Variants in CDH26 observed in about 807,000 individuals in gnomAD.
The protein encoded by CDH26 is cadherin 26, also known as cadherin-like protein 26.
In CDH26, 83 loss-of-function variants were observed where a neutral mutation model predicts 90.3. That is an observed-to-expected ratio of 0.92 (90% confidence interval 0.77 to 1.10). The LOEUF (loss-of-function observed/expected upper bound fraction) is 1.10, where lower values mean the gene tolerates loss of function less well. CDH26 is among the 50% of genes least tolerant of loss of function. CDH26 has a pLI of 0.00. For missense variants in CDH26, 1,013 were observed against 1,037.6 expected (o/e 0.98, Z 0.33); for synonymous variants, 397 against 396.3 (o/e 1.00, Z -0.02).
chr20:59,959,612 C>T (rs1057274947), intron 1 of CDH26, among the ~76,000 whole-genome samples: 15 of 152,102 alleles, frequency 9.9e-5, no homozygotes, highest in African/African-American at 3.6e-4. Context: ...GTTGGCCAGG[C>T]TGGTCTCAAA....
At position 60,012,956 on chromosome 20, in the gene CDH26, A is replaced by C; in HGVS notation, c.*226A>C. On this transcript the variant is annotated 3_prime_UTR_variant, in exon 18 of 18. Coordinates refer to ENST00000348616, the MANE Select transcript of CDH26 (RefSeq NM_177980.4). ...ACACTTTCTTAAAATTTGATTTGTC[A>C]TATTTTCTAGAGAAACTTGAATTTA... 2 of 462,558 alleles carry C rather than the reference A, an allele frequency of 4.3e-6. No homozygotes were observed. Among genetic ancestry groups the C allele is most frequent in the South Asian group, 3.0e-5 (1 of 33,154 alleles). 28.7% of individuals were successfully genotyped at this position (462,558 alleles called of 1,614,324 possible).
chr20:59,995,973 T>C lies in CDH26; in HGVS notation c.1807T>C (p.Cys603Arg). 6.2e-7 allele frequency: 1 copy of C among 1,614,102 alleles called. No individual in the cohort carries two copies. Among genetic ancestry groups the C allele is most frequent in the Non-Finnish European group, 8.5e-7 (1 of 1,179,994 alleles). ...RICPCASGLT[C>R]VELADAEVGL... ...CTGCCCCTGTGCCAGTGGGCTCACA[T>C]GTGTGGAGCTTGCAGATGCAGAAGT... Residue 603 changes from cysteine (C) to arginine (R), a missense_variant, in exon 12 of 18, where the codon TGT (cysteine) becomes CGT (arginine). Physicochemically the swap from Cys to Arg is radical, Grantham distance 180. Transcript: ENST00000348616.
intron 4 of CDH26, among the ~76,000 whole-genome samples, chr20:59,979,499 G>A (rs906078594): frequency 2.0e-5 from 3 of 147,660 alleles, no homozygotes; most frequent in Non-Finnish European, 4.5e-5. Context: ...GCCCAGCCGA[G>A]TTTGTTCTGT....
chr20:59,969,228 C>T (rs563041328), intron 2 of CDH26, among the ~76,000 whole-genome samples: 4 of 152,174 alleles, frequency 2.6e-5, no homozygotes, highest in Non-Finnish European at 5.9e-5. Flanking sequence ...AGAATGTGAG[C>T]AGCCTGTGAA....
chr20:60,033,867 TG>T, exon 9 of CDH26: 1 of 763,390 alleles, frequency 1.3e-6, no homozygotes, highest in Non-Finnish European at 1.7e-6. Flanking sequence ...CTGCAAACTG[TG>T]GATGGCAGTT....
At chr20:60,018,225 A>G (rs2061921727), downstream of CDH26, among the ~76,000 whole-genome samples, 3 of 151,962 alleles carry the variant, frequency 2.0e-5, no homozygotes, top group Admixed American at 1.3e-4. Flanking sequence ...CTATTATTGT[A>G]TTGGGGCTTA....
chr20:59,993,738 GT>G (rs1160287565), intron 10 of CDH26, among the ~76,000 whole-genome samples: 2 of 152,198 alleles, frequency 1.3e-5, no homozygotes, highest in Admixed American at 6.5e-5. Flanking sequence ...ATTAGAAAAA[GT>G]CGTTTTAGAT....
intron 3 of CDH26, among the ~76,000 whole-genome samples, chr20:59,971,591 T>G (rs567764762): frequency 3.3e-5 from 5 of 152,224 alleles, no homozygotes; most frequent in Non-Finnish European, 7.3e-5. Context: ...AGATCACACT[T>G]GGTGTGTTGT....
At chr20:60,032,691 C>T (rs7363697) in intron 8 of CDH26, among the ~76,000 whole-genome samples, 10 of 152,032 alleles carry the variant, frequency 6.6e-5, no homozygotes, top group Non-Finnish European at 1.2e-4. Context: ...AGTTCATGTC[C>T]TTTGTAGGGA....
Position 59,958,946 on chromosome 20 carries a change from G to A in CDH26, c.69+151G>A, listed in dbSNP as rs939677206. On this transcript the variant is annotated intron_variant, in intron 1 of 17. Coordinates refer to ENST00000348616, the MANE Select transcript of CDH26 (RefSeq NM_177980.4). ...GGCTGTCTTGAGAATGGCTTAGGTA[G>A]CAGGGGCTCTGGATTTATATAAAGG... 5.6e-6 allele frequency: 4 copies of A among 713,918 alleles called. No individual in the cohort carries two copies. The Admixed American group carries it at 8.2e-5, about 15-fold the overall frequency. 44.2% of individuals were successfully genotyped at this position (713,918 alleles called of 1,614,324 possible).
At chr20:60,011,295 A>G (rs1184759519) in intron 17 of CDH26, among the ~76,000 whole-genome samples, 1 of 152,178 alleles carries the variant, frequency 6.6e-6, no homozygotes, top group Non-Finnish European at 1.5e-5. Context: ...TCATTCTGTC[A>G]CTACTGTCAC....
At chr20:59,961,925 T>C (rs566135294) in intron 1 of CDH26, among the ~76,000 whole-genome samples, 3 of 152,340 alleles carry the variant, frequency 2.0e-5, no homozygotes, top group East Asian at 3.9e-4. Flanking sequence ...AAGCCACTTA[T>C]GATTTTTTGT....
In CDH26 at chr20:60,030,130, T is replaced by C. The variant is rs970941821; in HGVS notation, c.948-1101T>C. 2.6e-5 allele frequency among the ~76,000 whole-genome samples: 4 copies of C among 152,180 alleles called. No individual in the cohort carries two copies. Among genetic ancestry groups the C allele is most frequent in the Non-Finnish European group, 5.9e-5 (4 of 68,040 alleles). On this transcript the variant is annotated intron_variant, in intron 7 of 8. Coordinates refer to the CDH26 transcript ENST00000370991. The surrounding 1 kb of genome is among the most constrained non-coding windows in gnomAD (Gnocchi z 4.0). ...ATGTTAATATAAAAAAAGACATATA[T>C]TGAATATCTACAATCTGATATGATA...
chr20:60,023,299 G>A (rs2061972807), intron 7 of CDH26, among the ~76,000 whole-genome samples: 1 of 152,214 alleles, frequency 6.6e-6, no homozygotes, highest in African/African-American at 2.4e-5. Context: ...TGGATTTTCT[G>A]TCATTCATGG....
intron 17 of CDH26, among the ~76,000 whole-genome samples, chr20:60,010,398 C>T (rs542447694): frequency 6.6e-6 from 1 of 152,312 alleles, no homozygotes; most frequent in South Asian, 2.1e-4. Context: ...TAGACAGGCT[C>T]CCACTAAACC....
chr20:60,029,074 G>A (rs1360291126), intron 7 of CDH26, among the ~76,000 whole-genome samples: 1 of 152,208 alleles, frequency 6.6e-6, no homozygotes, highest in East Asian at 1.9e-4. Flanking sequence ...TGAAATAAGG[G>A]GGACACAGAG....
At chr20:60,015,757 G>A (rs1225988795), downstream of CDH26, among the ~76,000 whole-genome samples, 1 of 152,130 alleles carries the variant, frequency 6.6e-6, no homozygotes, top group Non-Finnish European at 1.5e-5. Flanking sequence ...ATAGTTTTGG[G>A]TCTCACATTT....
chr20:60,029,799 C>T (rs749454558), intron 7 of CDH26, among the ~76,000 whole-genome samples: 7 of 152,080 alleles, frequency 4.6e-5, no homozygotes, highest in Non-Finnish European at 4.4e-5. Context: ...TCCACATCCC[C>T]GCAAAGGACA....
chr20:60,005,607 C>A (rs921854409), intron 16 of CDH26, among the ~76,000 whole-genome samples: 8 of 152,052 alleles, frequency 5.3e-5, no homozygotes, highest in Non-Finnish European at 5.9e-5. Context: ...ATCCCTAAAC[C>A]CAGGTAAGAT....
Sources: gnomAD v4.1 joint callset for allele counts (sites outside exome capture counted in the v4.1 genomes callset) on GRCh38, gnomAD v4.1.1 for gene constraint, Gnocchi (gnomAD v3.1) non-coding constraint, MANE v1.5 for transcripts, NCBI Gene and HGNC (gene_info 2026-07-23, HGNC 2026-07-21) for gene names.